The following SDHC variants were observed in gnomAD, a reference collection of about 807,000 sequenced individuals.
The protein encoded by SDHC is succinate dehydrogenase cytochrome b560 subunit, mitochondrial.
In SDHC, 11 loss-of-function variants were observed where a neutral mutation model predicts 22.6. The ratio of observed to expected loss-of-function variants is 0.49; its 90% CI spans 0.31 to 0.81. The LOEUF (loss-of-function observed/expected upper bound fraction) is 0.81, where lower values mean the gene tolerates loss of function less well. SDHC is among the 30% of genes least tolerant of loss of function. The pLI is 0.05. For synonymous variants in SDHC, 80 were observed against 77.8 expected (o/e 1.03, Z -0.15); for missense variants, 160 against 212.0 (o/e 0.75, Z 1.52).
At chr1:161,339,243 C>T (rs1483683181) in intron 3 of SDHC, among the ~76,000 whole-genome samples, 1 of 152,114 alleles carries the variant, frequency 6.6e-6, no homozygotes, top group Non-Finnish European at 1.5e-5. Context: ...AGTACAGTGG[C>T]ACAGTCATAG....
At chr1:161,337,269 C>T (rs908485656) in intron 3 of SDHC, among the ~76,000 whole-genome samples, 3 of 152,068 alleles carry the variant, frequency 2.0e-5, no homozygotes, top group Non-Finnish European at 4.4e-5. Flanking sequence ...GTGCCCGAGG[C>T]CTCAGCTGGA....
chr1:161,337,976 G>A (rs1671559547), intron 3 of SDHC, among the ~76,000 whole-genome samples: 1 of 152,140 alleles, frequency 6.6e-6, no homozygotes, highest in Admixed American at 6.5e-5. Flanking sequence ...TCATCAATTA[G>A]CATAAAATTG....
chr1:161,336,583 G>A (rs115996725), intron 3 of SDHC, among the ~76,000 whole-genome samples: 1,741 of 152,240 alleles, frequency 0.011, 38 homozygotes, highest in African/African-American at 0.04. Flanking sequence ...TTGTAGGTTG[G>A]TGAGGTGAGT....
intron 1 of SDHC, among the ~76,000 whole-genome samples, chr1:161,315,546 G>A (rs1382219307): frequency 6.6e-6 from 1 of 152,216 alleles, no homozygotes; most frequent in African/African-American, 2.4e-5. Context: ...TGGTATCGAT[G>A]TTAGGGGCTT....
intron 5 of SDHC, among the ~76,000 whole-genome samples, chr1:161,358,495 G>A (rs1353822844): frequency 2.0e-5 from 3 of 152,112 alleles, no homozygotes; most frequent in South Asian, 2.1e-4. Flanking sequence ...AAATTAGCCA[G>A]GTATGGTGGT....
At chr1:161,320,033 T>TA (rs1452421216) in intron 1 of SDHC, among the ~76,000 whole-genome samples, 1 of 152,188 alleles carries the variant, frequency 6.6e-6, no homozygotes, top group African/African-American at 2.4e-5. Context: ...GAAACCATGT[T>TA]ATTTTATTTA....
chr1:161,350,544 T>C (rs746239543), intron 4 of SDHC, among the ~76,000 whole-genome samples: 1 of 152,192 alleles, frequency 6.6e-6, no homozygotes, highest in Non-Finnish European at 1.5e-5. Context: ...GCATTAAATA[T>C]GTACAATTTT....
chr1:161,350,292 C>G (rs1478130525), intron 4 of SDHC, among the ~76,000 whole-genome samples: 1 of 152,176 alleles, frequency 6.6e-6, no homozygotes, highest in Non-Finnish European at 1.5e-5. Flanking sequence ...CTCAAGTGAT[C>G]CGCCTACCTT....
Position 161,362,033 on chromosome 1 carries a change from A to G in SDHC, c.406-296A>G, listed in dbSNP as rs571144024. Among the ~76,000 whole-genome samples the G allele has an allele frequency of 1.2e-3, 189 of 152,036 alleles. 1 individual carries two copies. The highest frequency in any genetic ancestry group is 4.5e-3 in the African/African-American group (185 of 41,452). On this transcript the variant is annotated intron_variant, in intron 5 of 5. Transcript: ENST00000367975. ...GTGGTCCTGAGGAAAAGTTGTATCT[A>G]TTCATTCTGGAAGCTTTTGTATACC...
intron 4 of SDHC, among the ~76,000 whole-genome samples, chr1:161,353,976 A>G (rs1221339894): frequency 1.3e-5 from 2 of 152,150 alleles, no homozygotes. Flanking sequence ...ATCACAGCTC[A>G]CTTTGTGCCT....
At chr1:161,350,332 T>TG (rs1419436819) in intron 4 of SDHC, among the ~76,000 whole-genome samples, 1 of 152,240 alleles carries the variant, frequency 6.6e-6, no homozygotes, top group African/African-American at 2.4e-5. Flanking sequence ...ATTACAGGCG[T>TG]GAGCCACCAT....
intron 1 of SDHC, 122 bp downstream of exon 1, chr1:161,314,547 A>C: frequency 8.2e-7 from 1 of 1,219,592 alleles, no homozygotes; most frequent in South Asian, 1.2e-5. Flanking sequence ...ATGGGTGTGG[A>C]GGCCAAGCGC....
intron 2 of SDHC, among the ~76,000 whole-genome samples, chr1:161,328,128 C>T (rs751339004): frequency 1.1e-4 from 17 of 151,792 alleles, no homozygotes; most frequent in Non-Finnish European, 2.2e-4. Flanking sequence ...CTCAGTCTCC[C>T]GAGTAGCTGG....
At chr1:161,317,826 C>CT (rs1414016214) in intron 1 of SDHC, among the ~76,000 whole-genome samples, 1 of 151,164 alleles carries the variant, frequency 6.6e-6, no homozygotes, top group East Asian at 2.0e-4. Context: ...CATCAGCCAC[C>CT]GAGCCAGGCA....
chr1:161,344,921 G>C (rs1242277921), intron 4 of SDHC, among the ~76,000 whole-genome samples: 1 of 152,216 alleles, frequency 6.6e-6, no homozygotes, highest in African/African-American at 2.4e-5. Context: ...AATGAAGTCA[G>C]TTCCAGCAAC....
intron 5 of SDHC, among the ~76,000 whole-genome samples, chr1:161,357,954 G>C (rs1672346153): frequency 6.6e-6 from 1 of 151,370 alleles, no homozygotes; most frequent in African/African-American, 2.4e-5. Flanking sequence ...TCTGTTTTGA[G>C]ATGTTGGACA....
intron 3 of SDHC, chr1:161,339,527 G>GAGTTTTGAGTTATAA (rs1671630058): frequency 2.5e-6 from 3 of 1,206,606 alleles, no homozygotes; most frequent in African/African-American, 1.6e-5. Context: ...CTTGCGAAAG[G>GAGTTTTGAGTTATAA]AGTTTTGAGT....
intron 5 of SDHC, among the ~76,000 whole-genome samples, chr1:161,359,770 G>A (rs1216888407): frequency 6.6e-6 from 1 of 151,864 alleles, no homozygotes; most frequent in Non-Finnish European, 1.5e-5. Flanking sequence ...GTGACAGTCT[G>A]CAGTTTTTGG....
At chr1:161,314,489 C>G in intron 1 of SDHC, 64 bp downstream of exon 1, 1 of 1,577,666 alleles carries the variant, frequency 6.3e-7, no homozygotes, top group Non-Finnish European at 8.7e-7. Flanking sequence ...TGGCCCCTCA[C>G]GTTTTGCTGA....
Sources: allele counts gnomAD v4.1 joint callset (sites outside exome capture counted in the v4.1 genomes callset), GRCh38; gene constraint gnomAD v4.1.1; transcripts MANE v1.5; gene names NCBI Gene and HGNC (gene_info 2026-07-23, HGNC 2026-07-21).